COL22A1: variants seen among roughly 807,000 people sequenced by gnomAD.
COL22A1 encodes collagen alpha-1(XXII) chain.
A neutral mutation model predicts 248.9 loss-of-function variants in COL22A1; 221 were observed. The ratio of observed to expected loss-of-function variants is 0.89; its 90% CI spans 0.80 to 0.99. The LOEUF (loss-of-function observed/expected upper bound fraction) is 0.99, where lower values mean the gene tolerates loss of function less well. Ranked by LOEUF, COL22A1 falls within the 50% of genes least tolerant of loss-of-function variation. COL22A1 has a pLI of 0.00. For synonymous variants in COL22A1, 891 were observed against 793.4 expected, an observed-to-expected ratio of 1.12 and a Z score of -2.07; for missense variants, 2,240 against 2,179.0, an observed-to-expected ratio of 1.03 and a Z score of -0.56.
chr8:138,835,364 C>A (rs113051084), intron 4 of COL22A1, among the ~76,000 whole-genome samples: 3 of 152,176 alleles, frequency 2.0e-5, no homozygotes, highest in Non-Finnish European at 4.4e-5. Context: ...CCCTCCAAAC[C>A]GTGCTTGTTT....
chr8:138,656,256 C>T (rs1294507224), intron 44 of COL22A1, among the ~76,000 whole-genome samples: 1 of 152,210 alleles, frequency 6.6e-6, no homozygotes, highest in Non-Finnish European at 1.5e-5. Context: ...ACCACCAAAA[C>T]CTGATAGGTC....
chr8:138,815,761 G>A (rs1818630666), intron 7 of COL22A1, among the ~76,000 whole-genome samples: 1 of 152,188 alleles, frequency 6.6e-6, no homozygotes, highest in Non-Finnish European at 1.5e-5. Context: ...ATGGCTGGGT[G>A]GACGAGTGGA....
At chr8:138,783,936 T>TCAGAGCC (rs936364628) in intron 12 of COL22A1, among the ~76,000 whole-genome samples, 5 of 152,116 alleles carry the variant, frequency 3.3e-5, no homozygotes, top group Admixed American at 1.3e-4. Context: ...CTGCTGTGGC[T>TCAGAGCC]CAGAGCCCAG....
chr8:138,670,679 G>T (rs1192317226), intron 41 of COL22A1, among the ~76,000 whole-genome samples: 1 of 152,144 alleles, frequency 6.6e-6, no homozygotes, highest in Non-Finnish European at 1.5e-5. Flanking sequence ...CCACCGGTAG[G>T]CTGGGCACGG....
At chr8:138,774,949 G>A (rs1169348910) in intron 16 of COL22A1, among the ~76,000 whole-genome samples, 1 of 152,204 alleles carries the variant, frequency 6.6e-6, no homozygotes, top group East Asian at 1.9e-4. Context: ...CCATGTGTAA[G>A]AATTCCCAAG....
In COL22A1 at chr8:138,688,950, G is replaced by T. The variant is rs758100833; in HGVS notation, c.2829C>A (p.Gly943=). ...PGSVGAPGLR[G]TPGKDGERGE... is the part of the protein sequence containing the mutation. Reference sequence around the variant, plus strand: ...CACGCTCCCCATCTTTCCCTGGGGTGCCTCTGAGGCCGGGAGCACCCTGTG... The same window carrying T: ...CACGCTCCCCATCTTTCCCTGGGGTTCCTCTGAGGCCGGGAGCACCCTGTG... The change falls in exon 37 of 65, where the codon GGC becomes GGA. Residue 943 remains glycine (G), a synonymous_variant. Transcript: ENST00000303045. 3.0e-5 allele frequency: 49 copies of T among 1,613,214 alleles called. No individual in the cohort carries two copies. The highest frequency in any genetic ancestry group is 4.2e-5 in the Non-Finnish European group (49 of 1,179,358).
intron 32 of COL22A1, among the ~76,000 whole-genome samples, chr8:138,698,630 G>C (rs1318478467): frequency 6.6e-6 from 1 of 151,954 alleles, no homozygotes; most frequent in Non-Finnish European, 1.5e-5. Flanking sequence ...TGCAGTGAGT[G>C]CTGCCCTGCA....
At chr8:138,853,528 A>G (rs2131914016) in intron 3 of COL22A1, among the ~76,000 whole-genome samples, 1 of 152,346 alleles carries the variant, frequency 6.6e-6, no homozygotes, top group African/African-American at 2.4e-5. Flanking sequence ...ACTTTCACCA[A>G]GAAAATTAGC....
At chr8:138,655,578 G>A (rs1044123713) in intron 45 of COL22A1, among the ~76,000 whole-genome samples, 5 of 152,056 alleles carry the variant, frequency 3.3e-5, no homozygotes, top group African/African-American at 1.2e-4. Flanking sequence ...TGTTGCCCAG[G>A]TTGGTCTTAA....
intron 4 of COL22A1, among the ~76,000 whole-genome samples, chr8:138,833,669 C>T (rs1820220207): frequency 6.6e-6 from 1 of 152,206 alleles, no homozygotes; most frequent in African/African-American, 2.4e-5. Context: ...CATGGTACTG[C>T]ATTATTTGAA....
intron 7 of COL22A1, among the ~76,000 whole-genome samples, chr8:138,818,934 T>C (rs1818886203): frequency 6.6e-6 from 1 of 152,148 alleles, no homozygotes; most frequent in Admixed American, 6.5e-5. Context: ...CTGGAAAACA[T>C]GAACAGTGTG....
chr8:138,855,427 T>G (rs934949385), intron 3 of COL22A1, among the ~76,000 whole-genome samples: 6 of 152,222 alleles, frequency 3.9e-5, no homozygotes, highest in African/African-American at 1.2e-4. Flanking sequence ...GGGCCCTGCA[T>G]GCTCCTTGCT....
At chr8:138,877,676 C>T (rs1255977914) in intron 3 of COL22A1, 74 bp downstream of exon 3, 18 of 1,431,892 alleles carry the variant, frequency 1.3e-5, no homozygotes, top group East Asian at 2.4e-5. Context: ...CCTATCTGCC[C>T]GAGGACCCCT....
At chr8:138,911,526 C>A (rs575954152) in intron 1 of COL22A1, among the ~76,000 whole-genome samples, 1 of 152,316 alleles carries the variant, frequency 6.6e-6, no homozygotes, top group Admixed American at 6.5e-5. Flanking sequence ...ACACAGATGA[C>A]AGCGGATGAC....
chr8:138,723,675 G>C (rs1224658928), intron 25 of COL22A1, among the ~76,000 whole-genome samples: 2 of 152,164 alleles, frequency 1.3e-5, no homozygotes, highest in Non-Finnish European at 2.9e-5. Flanking sequence ...ACGTTTGCCG[G>C]TGATGGTGCC....
At chr8:138,870,927 TTGTG>T (rs1823291344) in intron 3 of COL22A1, among the ~76,000 whole-genome samples, 1 of 150,978 alleles carries the variant, frequency 6.6e-6, no homozygotes, top group Non-Finnish European at 1.5e-5. Flanking sequence ...CGCACGGTGT[TTGTG>T]TGTGTGGGTG....
chr8:138,751,463 G>A lies in COL22A1; in HGVS notation c.2080C>T (p.Leu694Phe), dbSNP rs765344560. 5 of 1,610,698 alleles carry A rather than the reference G, an allele frequency of 3.1e-6. No individual in the cohort carries two copies. The African/African-American group carries it at 4.0e-5, about 13-fold the overall frequency. The change falls in exon 22 of 65, where the codon CTC becomes TTC. Residue 694 changes from leucine (L) to phenylalanine (F), a missense_variant. Coordinates refer to ENST00000303045, the MANE Select transcript of COL22A1 (RefSeq NM_152888.3). ...GRDGPPGLQG[L>F]RGKKGDMGPP... ...AGAAAAGAGAGTTTACTTACTCGGA[G>A]ACCTTGCAAACCAGGAGGTCCATCC...
chr8:138,855,126 A>C (rs1346381588), intron 3 of COL22A1, among the ~76,000 whole-genome samples: 2 of 152,220 alleles, frequency 1.3e-5, no homozygotes, highest in African/African-American at 4.8e-5. Context: ...AATTTTGATA[A>C]GGATGGGATA....
chr8:138,883,120 A>G lies in COL22A1; in HGVS notation c.53T>C (p.Leu18Pro), dbSNP rs1824369050. The G allele has an allele frequency of 6.3e-7, 1 of 1,599,254 alleles. No homozygotes were observed. Among genetic ancestry groups the G allele is most frequent in the South Asian group, 1.1e-5 (1 of 88,478 alleles). Residue 18 changes from leucine (L) to proline (P), a missense_variant, in exon 2 of 65, where the codon CTG becomes CCG. Leu to Pro is a moderately conservative substitution (Grantham distance 98). Transcript: ENST00000303045. ...CTGGCAGCCGCCGCCCCCACTCCAC[A>G]GCAGCAGCATCCAGAGGAGGCCAGC... ...AVAGLLWMLL[L>P]WSGGGGCQAQ...
Sources: allele counts gnomAD v4.1 joint callset (sites outside exome capture counted in the v4.1 genomes callset), GRCh38; gene constraint gnomAD v4.1.1; transcripts MANE v1.5; gene names NCBI Gene and HGNC (gene_info 2026-07-23, HGNC 2026-07-21).